Variants in LTN1 observed in about 807,000 individuals in gnomAD.
LTN1 encodes listerin E3 ubiquitin protein ligase 1.
LTN1 carries 88 observed loss-of-function variants against 201.2 expected under a neutral mutation model. The ratio of observed to expected loss-of-function variants is 0.44; its 90% CI spans 0.37 to 0.52. LTN1 has a LOEUF of 0.52. Among genes scored for constraint, LTN1 ranks in the 20% least tolerant of loss-of-function variants. The pLI is 0.00. For synonymous variants in LTN1, 645 were observed against 713.5 expected, an observed-to-expected ratio of 0.90 and a Z score of 1.53; for missense variants, 1,752 against 2,038.7, an observed-to-expected ratio of 0.86 and a Z score of 2.71.
intron 3 of LTN1, 111 bp from the exon 4 acceptor site, chr21:28,985,033 G>T (rs1328886538): frequency 6.2e-6 from 4 of 643,454 alleles, no homozygotes; most frequent in East Asian, 2.9e-5. Flanking sequence ...TATGTATTAA[G>T]CTAAACTGAA....
Position 28,936,502 on chromosome 21 carries a change from AACATAAAC to A in LTN1, c.4654+16_4654+23del. Reference sequence around the variant, plus strand: ...AGTCTGAATCTAGTGTCCAAGAAAGAACATAAACACATATCTTACTGACCTCTAATACT... The same window carrying A: ...AGTCTGAATCTAGTGTCCAAGAAAGAACATATCTTACTGACCTCTAATACT... On this transcript the variant is annotated intron_variant, in intron 26 of 29. Coordinates refer to ENST00000361371, the MANE Select transcript of LTN1 (RefSeq NM_015565.3). 2 of 1,574,550 alleles carry A rather than the reference AACATAAAC, an allele frequency of 1.3e-6. No individual in the cohort carries two copies. The highest frequency in any genetic ancestry group is 1.7e-6 in the Non-Finnish European group (2 of 1,156,266).
At position 28,928,232 on chromosome 21, in the gene LTN1, T is replaced by C. The variant is rs935855173; in HGVS notation, c.*2216A>G. ...TGTGAAGGGTACAAGGGCATTTATA[T>C]TATTATTTTTCTGCATATTTGAAAT... On this transcript the variant is annotated 3_prime_UTR_variant, in exon 30 of 30. Coordinates refer to ENST00000361371, the MANE Select transcript of LTN1 (RefSeq NM_015565.3). 3 of 152,556 alleles carry C rather than the reference T, an allele frequency of 2.0e-5. No individual in the cohort carries two copies. Among genetic ancestry groups the C allele is most frequent in the African/African-American group, 7.2e-5 (3 of 41,396 alleles). 9.5% of individuals were successfully genotyped at this position (152,556 alleles called of 1,614,324 possible).
chr21:28,980,454 T>C (rs1384432054), intron 6 of LTN1, among the ~76,000 whole-genome samples: 1 of 147,590 alleles, frequency 6.8e-6, no homozygotes, highest in Non-Finnish European at 1.5e-5. Flanking sequence ...AATGACGAGT[T>C]AAGGGGTGCA....
At position 28,966,588 on chromosome 21, in the gene LTN1, C is replaced by G. The variant is rs1344678836; in HGVS notation, c.1903G>C (p.Gly635Arg). 6.2e-7 allele frequency: 1 copy of G among 1,613,998 alleles called. No individual in the cohort carries two copies. The highest frequency in any genetic ancestry group is 2.2e-5 in the East Asian group (1 of 44,862). The part of the protein sequence containing the change: ...SSSRVFKMLL[G>R]DEKQSIVQAK... The stretch of plus-strand genomic sequence containing the variant: ...TGGACAATACTCTGTTTTTCATCAC[C>G]AAGTAGCATTTTAAATACTCGGCTT... Residue 635 changes from glycine to arginine, a missense_variant, in exon 10 of 30, where the codon GGT becomes CGT. Physicochemically the swap from Gly to Arg is moderately radical, Grantham distance 125. Around this residue, in one of 3 missense-constraint regions of LTN1, gnomAD observed 1,211 missense variants for 1,312.8 expected, o/e 0.92. Coordinates refer to ENST00000361371, the MANE Select transcript of LTN1 (RefSeq NM_015565.3).
At chr21:28,961,470 G>C (rs766163693) in intron 11 of LTN1, 3 of 167,764 alleles carry the variant, frequency 1.8e-5, no homozygotes, top group Non-Finnish European at 4.4e-5. Context: ...CATGTTCCCA[G>C]AGCTTCTTTT....
At position 28,946,130 on chromosome 21, in the gene LTN1, CAT is replaced by C. The variant is rs758939215; in HGVS notation, c.3623+20_3623+21del. The C allele has an allele frequency of 3.7e-5, 57 of 1,554,964 alleles. No individual in the cohort carries two copies. Among genetic ancestry groups the C allele is most frequent in the Non-Finnish European group, 4.4e-5 (50 of 1,149,082 alleles). ...TCTGAATTGTATACTGAAGGAAAAACATAGTATAAAGTATCACCTACCAACTG... is the reference window on the plus strand; with the variant it reads ...TCTGAATTGTATACTGAAGGAAAAACAGTATAAAGTATCACCTACCAACTG... On this transcript the variant is annotated intron_variant, in intron 20 of 29. Coordinates refer to ENST00000361371, the MANE Select transcript of LTN1 (RefSeq NM_015565.3).
At chr21:28,966,337 C>A in intron 10 of LTN1, 33 bp downstream of exon 10, 1 of 1,515,420 alleles carries the variant, frequency 6.6e-7, no homozygotes, top group South Asian at 1.3e-5. Flanking sequence ...ATCTATTATT[C>A]AAATAGTTTG....
chr21:28,965,590 T>A (rs979975145), intron 11 of LTN1, among the ~76,000 whole-genome samples: 1 of 152,186 alleles, frequency 6.6e-6, no homozygotes, highest in African/African-American at 2.4e-5. Flanking sequence ...ATAAAATGTT[T>A]AAATCTGCCT....
At position 28,930,157 on chromosome 21, in the gene LTN1, G is replaced by T. The variant is rs557629616; in HGVS notation, c.*291C>A. On this transcript the variant is annotated 3_prime_UTR_variant, in exon 30 of 30. Transcript: ENST00000361371. ...CAAATTCCAATTCTGTAATTTAGGG[G>T]TTTTTCATATTTATTTTTAAATATA... 1.2e-5 allele frequency: 3 copies of T among 248,086 alleles called. No homozygotes were observed. Among genetic ancestry groups the T allele is most frequent in the Non-Finnish European group, 2.3e-5 (3 of 131,876 alleles). The allele number at this position is 248,086 out of a possible 1,614,324, so 15.4% of individuals were successfully genotyped here.
rs755177006 is a variant in LTN1, at chr21:28,966,882, C to G, written c.1609G>C (p.Gly537Arg). The G allele has an allele frequency of 6.2e-7, 1 of 1,611,828 alleles. No homozygotes were observed. Among genetic ancestry groups the G allele is most frequent in the Non-Finnish European group, 8.5e-7 (1 of 1,179,302 alleles). Residue 537 changes from glycine (G) to arginine (R), a missense_variant, in exon 10 of 30, where the codon GGT becomes CGT. Physicochemically the swap from Gly to Arg is moderately radical, Grantham distance 125. This residue lies in a region of LTN1 where 1,211 missense variants were observed against 1,312.8 expected (regional missense o/e 0.92). Coordinates refer to ENST00000361371, the MANE Select transcript of LTN1 (RefSeq NM_015565.3). ...ATCTCATCAGCAAATCTAACCTTAC[C>G]ATTTTTTTTTTTACTTGACTTCAAT... ...SSLKSSKKKN[G>R]KVRFADEILE...
At position 28,966,356 on chromosome 21, in the gene LTN1, T is replaced by C. The variant is rs2084522351; in HGVS notation, c.2121+14A>G. The stretch of plus-strand genomic sequence containing the variant: ...ATTATTCAAATAGTTTGAAAAGATA[T>C]ACAACAGGAATACCTTGGTTAGATC... On this transcript the variant is annotated intron_variant, in intron 10 of 29. Transcript: ENST00000361371. 1.3e-6 allele frequency: 2 copies of C among 1,571,360 alleles called. No homozygotes were observed. The highest frequency in any genetic ancestry group is 1.7e-6 in the Non-Finnish European group (2 of 1,159,876).
chr21:28,933,035 C>T (rs2084223914), intron 27 of LTN1, among the ~76,000 whole-genome samples: 1 of 152,210 alleles, frequency 6.6e-6, no homozygotes, highest in Non-Finnish European at 1.5e-5. Flanking sequence ...AATTCTTCCT[C>T]TACCATATTA....
At chr21:28,975,299 T>TA (rs2049254697) in intron 6 of LTN1, among the ~76,000 whole-genome samples, 1 of 151,984 alleles carries the variant, frequency 6.6e-6, no homozygotes, top group South Asian at 2.1e-4. Context: ...GTTCTAGGAA[T>TA]AAAAAATATA....
intron 11 of LTN1, chr21:28,964,787 T>A: frequency 6.5e-7 from 1 of 1,546,946 alleles, no homozygotes; most frequent in Non-Finnish European, 8.7e-7. Flanking sequence ...AATGGATACA[T>A]TAGTCTACTC....
chr21:28,974,940 C>T (rs1189349614), intron 6 of LTN1, among the ~76,000 whole-genome samples: 2 of 151,872 alleles, frequency 1.3e-5, no homozygotes, highest in Non-Finnish European at 2.9e-5. Context: ...CCACCACAGG[C>T]ATAATGGTTT....
At position 28,943,864 on chromosome 21, in the gene LTN1, T is replaced by A; in HGVS notation, c.4023A>T (p.Ala1341=). 1.2e-6 allele frequency: 2 copies of A among 1,613,410 alleles called. No homozygotes were observed. The highest frequency in any genetic ancestry group is 8.5e-7 in the Non-Finnish European group (1 of 1,179,434). The change falls in exon 23 of 30, where the codon GCA becomes GCT. Residue 1341 remains alanine, a synonymous_variant. Coordinates refer to ENST00000361371, the MANE Select transcript of LTN1 (RefSeq NM_015565.3). ...KDVSETSFQN[A]MLKPMCETLT... ...ATGTTTCACACATGGGTTTCAGCAT[T>A]GCATTCTGAAAGGATGTTTCAGACA...
intron 8 of LTN1, among the ~76,000 whole-genome samples, chr21:28,970,211 C>A (rs909277122): frequency 2.0e-5 from 3 of 152,108 alleles, no homozygotes; most frequent in African/African-American, 7.2e-5. Flanking sequence ...TGCATTTAGG[C>A]ATTTGTATTT....
chr21:28,980,356 G>A (rs958417262), intron 6 of LTN1, among the ~76,000 whole-genome samples: 1 of 133,100 alleles, frequency 7.5e-6, no homozygotes. Context: ...AAAAAAAGGT[G>A]TCTTTATACA....
At chr21:28,935,567 G>A (rs571334946) in intron 26 of LTN1, among the ~76,000 whole-genome samples, 274 of 152,132 alleles carry the variant, frequency 1.8e-3, no homozygotes, top group African/African-American at 6.0e-3. Context: ...CCCGCCGGGC[G>A]CAGTGGCTCA....
Sources: gnomAD v4.1 joint callset for allele counts (sites outside exome capture counted in the v4.1 genomes callset) on GRCh38, gnomAD v4.1.1 for gene constraint, gnomAD v4.1.1 regional missense constraint, MANE v1.5 for transcripts, NCBI Gene and HGNC (gene_info 2026-07-23, HGNC 2026-07-21) for gene names.